Variants in ROBO2 observed in about 807,000 individuals in gnomAD.
ROBO2 encodes the protein roundabout guidance receptor 2.
Under a neutral mutation model 160.8 loss-of-function variants are expected in ROBO2, and 53 were observed. The ratio of observed to expected loss-of-function variants is 0.33; its 90% CI spans 0.26 to 0.41. ROBO2 has a LOEUF of 0.41. ROBO2 is among the 10% of genes least tolerant of loss of function. The pLI, the probability that ROBO2 is intolerant of heterozygous loss-of-function variation, is 1.00. For synonymous variants in ROBO2, 664 were observed against 611.7 expected, an observed-to-expected ratio of 1.09 and a Z score of -1.26; for missense variants, 1,577 against 1,722.4, an observed-to-expected ratio of 0.92 and a Z score of 1.49.
At chr3:75,992,063 A>G (rs948974245) in intron 2 of ROBO2, among the ~76,000 whole-genome samples, 1 of 152,174 alleles carries the variant, frequency 6.6e-6, no homozygotes, top group African/African-American at 2.4e-5. Flanking sequence ...ACAGAGCATA[A>G]AAGTTTGGAA....
chr3:76,270,736 G>A (rs1707382183), intron 2 of ROBO2, among the ~76,000 whole-genome samples: 1 of 152,002 alleles, frequency 6.6e-6, no homozygotes, highest in African/African-American at 2.4e-5. Flanking sequence ...AGGAAGGGAG[G>A]GAGAACAATT....
chr3:76,169,439 C>G (rs1286120287), intron 2 of ROBO2, among the ~76,000 whole-genome samples: 1 of 152,150 alleles, frequency 6.6e-6, no homozygotes, highest in Non-Finnish European at 1.5e-5. Flanking sequence ...ACTTCTATGT[C>G]TTTGCCGTAT....
intron 2 of ROBO2, among the ~76,000 whole-genome samples, chr3:76,676,271 T>G (rs565452358): frequency 1.3e-5 from 2 of 151,788 alleles, no homozygotes; most frequent in East Asian, 1.9e-4. Context: ...TCTCATGAGA[T>G]CTGATGGTTT....
intron 2 of ROBO2, among the ~76,000 whole-genome samples, chr3:76,550,964 G>T (rs950421674): frequency 6.6e-6 from 1 of 152,068 alleles, no homozygotes; most frequent in Admixed American, 6.5e-5. Context: ...GGCAGGAGGC[G>T]GACAGGTTCC....
At chr3:76,661,249 G>A (rs577543623) in intron 2 of ROBO2, among the ~76,000 whole-genome samples, 24 of 152,274 alleles carry the variant, frequency 1.6e-4, no homozygotes, top group Non-Finnish European at 3.1e-4. Flanking sequence ...AAACCAGAAA[G>A]ATTGAACAAG....
At chr3:76,328,334 T>C (rs964975323) in intron 2 of ROBO2, among the ~76,000 whole-genome samples, 2 of 152,240 alleles carry the variant, frequency 1.3e-5, no homozygotes, top group African/African-American at 4.8e-5. Flanking sequence ...AAAGTATTCA[T>C]TGTGGTAACT....
At chr3:77,386,064 G>A (rs2074066080) in intron 2 of ROBO2, among the ~76,000 whole-genome samples, 1 of 152,100 alleles carries the variant, frequency 6.6e-6, no homozygotes, top group African/African-American at 2.4e-5. Flanking sequence ...TCCTAATGAA[G>A]GTAAAATGCA....
intron 2 of ROBO2, among the ~76,000 whole-genome samples, chr3:76,568,217 C>G (rs2084723884): frequency 6.6e-6 from 1 of 152,024 alleles, no homozygotes; most frequent in Admixed American, 6.6e-5. Flanking sequence ...TCATCGACAT[C>G]TATTTTTATT....
intron 2 of ROBO2, among the ~76,000 whole-genome samples, chr3:76,246,944 C>G (rs558483821): frequency 6.6e-5 from 10 of 152,026 alleles, no homozygotes; most frequent in Admixed American, 2.0e-4. Flanking sequence ...TTTTTTCCAT[C>G]TTAGTTGTAA....
At chr3:76,617,758 A>G (rs1401696212) in intron 2 of ROBO2, among the ~76,000 whole-genome samples, 1 of 152,038 alleles carries the variant, frequency 6.6e-6, no homozygotes, top group Non-Finnish European at 1.5e-5. Context: ...TGCAATTTAT[A>G]AAGAAAAGAG....
At chr3:76,505,603 C>A (rs1169220051) in intron 2 of ROBO2, among the ~76,000 whole-genome samples, 3 of 152,130 alleles carry the variant, frequency 2.0e-5, no homozygotes, top group African/African-American at 7.2e-5. Flanking sequence ...AACGGGTGTT[C>A]TACCCACTGA....
chr3:77,385,430 TC>T (rs1238531486), intron 2 of ROBO2, among the ~76,000 whole-genome samples: 1 of 152,228 alleles, frequency 6.6e-6, no homozygotes, highest in African/African-American at 2.4e-5. Context: ...AAAATTATTA[TC>T]ATTTAAAATC....
intron 2 of ROBO2, among the ~76,000 whole-genome samples, chr3:77,358,683 T>C (rs571293349): frequency 6.6e-6 from 1 of 152,346 alleles, no homozygotes; most frequent in East Asian, 1.9e-4. Flanking sequence ...TAGTACATCA[T>C]TTAAGTGTTT....
intron 2 of ROBO2, among the ~76,000 whole-genome samples, chr3:76,992,274 C>T (rs1373489025): frequency 6.8e-6 from 1 of 147,518 alleles, no homozygotes; most frequent in Non-Finnish European, 1.5e-5. Flanking sequence ...TCCAAATACC[C>T]TTGCATTTCC....
intron 4 of ROBO2, among the ~76,000 whole-genome samples, chr3:77,488,567 C>T (rs1397625761): frequency 6.6e-6 from 1 of 152,188 alleles, no homozygotes; most frequent in Non-Finnish European, 1.5e-5. Flanking sequence ...ATTGTCCAAA[C>T]TCTATGGAGC....
intron 2 of ROBO2, among the ~76,000 whole-genome samples, chr3:76,001,492 A>G (rs2065885380): frequency 6.6e-6 from 1 of 151,932 alleles, no homozygotes; most frequent in African/African-American, 2.4e-5. Flanking sequence ...CAGTATGTAA[A>G]CTCAATCATT....
intron 2 of ROBO2, among the ~76,000 whole-genome samples, chr3:77,458,601 T>C (rs2081934522): frequency 6.6e-6 from 1 of 151,936 alleles, no homozygotes; most frequent in Non-Finnish European, 1.5e-5. Context: ...TCTTTTTTTT[T>C]TTTATGAAAA....
chr3:77,338,167 G>A (rs909916357), intron 2 of ROBO2, among the ~76,000 whole-genome samples: 2 of 152,146 alleles, frequency 1.3e-5, no homozygotes, highest in East Asian at 3.9e-4. Flanking sequence ...ATACAAGTTA[G>A]AGCTCATATT....
At chr3:76,069,332 C>A (rs2068366133) in intron 2 of ROBO2, among the ~76,000 whole-genome samples, 1 of 135,024 alleles carries the variant, frequency 7.4e-6, no homozygotes, top group Non-Finnish European at 1.7e-5. Context: ...GTTATCCTTA[C>A]CTGTTATTTC....
Sources: allele counts gnomAD v4.1 joint callset (sites outside exome capture counted in the v4.1 genomes callset), GRCh38; gene constraint gnomAD v4.1.1; transcripts MANE v1.5; gene names NCBI Gene and HGNC (gene_info 2026-07-23, HGNC 2026-07-21).